The following RYR2 variants were observed in gnomAD, a reference collection of about 807,000 sequenced individuals.
The protein encoded by RYR2 is cardiac muscle ryanodine receptor-calcium release channel.
A neutral mutation model predicts 601.1 loss-of-function variants in RYR2; 227 were observed. The observed-to-expected ratio is 0.38, with a 90% confidence interval of 0.34 to 0.42. The LOEUF (loss-of-function observed/expected upper bound fraction) is 0.42. RYR2 is among the 10% of genes least tolerant of loss of function. The probability of loss-of-function intolerance (pLI) is 1.00; values close to 1 mark genes in which losing one functional copy is unlikely to be tolerated. For missense variants in RYR2, 4,646 were observed against 6,156.5 expected (o/e 0.75, Z 8.21); for synonymous variants, 2,223 against 2,175.1 (o/e 1.02, Z -0.61).
At chr1:237,403,950 C>T (rs1053865295) in intron 10 of RYR2, among the ~76,000 whole-genome samples, 1 of 152,126 alleles carries the variant, frequency 6.6e-6, no homozygotes, top group Non-Finnish European at 1.5e-5. Context: ...GCAAAAACAT[C>T]TTGGATTTTA....
At chr1:237,417,470 A>C (rs1705131178) in intron 11 of RYR2, among the ~76,000 whole-genome samples, 1 of 152,234 alleles carries the variant, frequency 6.6e-6, no homozygotes. Flanking sequence ...TGGAGACACG[A>C]CAAGTTCTTT....
At chr1:237,286,453 T>G (rs1026283275) in intron 2 of RYR2, among the ~76,000 whole-genome samples, 3 of 151,446 alleles carry the variant, frequency 2.0e-5, no homozygotes, top group African/African-American at 7.3e-5. Flanking sequence ...TGGTCTATCT[T>G]GGAGAAAGTT....
At chr1:237,327,353 A>G (rs574367223) in intron 2 of RYR2, among the ~76,000 whole-genome samples, 2 of 152,308 alleles carry the variant, frequency 1.3e-5, no homozygotes, top group South Asian at 4.1e-4. Flanking sequence ...TAGCAGGCTC[A>G]TTACTCTGTG....
chr1:237,670,309 T>TGGAGAGGGAGAG (rs961889025), intron 58 of RYR2, among the ~76,000 whole-genome samples: 1 of 84,394 alleles, frequency 1.2e-5, no homozygotes, highest in Non-Finnish European at 2.2e-5. Context: ...AGAGGGAGAC[T>TGGAGAGGGAGAG]GGAGAGGGAG....
At chr1:237,666,438 T>C in intron 56 of RYR2, 74 bp from the exon 57 acceptor site, 1 of 1,314,280 alleles carries the variant, frequency 7.6e-7, no homozygotes, top group South Asian at 1.4e-5. Context: ...TTGTGCCATA[T>C]TTTTAAAGTA....
chr1:237,492,763 G>T (rs984914059), intron 18 of RYR2, among the ~76,000 whole-genome samples, 191 bp from the exon 19 acceptor site: 1 of 151,618 alleles, frequency 6.6e-6, no homozygotes, highest in Admixed American at 6.6e-5. Context: ...GTTCAAGTCT[G>T]CAGTGAGCTA....
intron 1 of RYR2, among the ~76,000 whole-genome samples, chr1:237,077,878 A>G: frequency 7.6e-6 from 1 of 131,402 alleles, no homozygotes. Flanking sequence ...AGTTGGAAGT[A>G]AAGCTCTCCT....
intron 2 of RYR2, among the ~76,000 whole-genome samples, chr1:237,290,956 A>G (rs1440380561): frequency 6.6e-6 from 1 of 152,198 alleles, no homozygotes; most frequent in Non-Finnish European, 1.5e-5. Flanking sequence ...TGTGCATGAA[A>G]TTGGCAAAAG....
At position 237,783,862 on chromosome 1, in the gene RYR2, A is replaced by G. The variant is rs746745342; in HGVS notation, c.12150A>G (p.Lys4050=). The G allele has an allele frequency of 6.2e-7, 1 of 1,613,872 alleles. No homozygotes were observed. The highest frequency in any genetic ancestry group is 1.1e-5 in the South Asian group (1 of 91,036). ...TCATTTCCAAGAGGGACTTCCACAA[A>G]GCGATGGAGAGCCATAAGCACTACA... ...KGVISKRDFH[K]AMESHKHYTQ... The change falls in exon 90 of 105, where the codon AAA becomes AAG. Residue 4050 remains lysine, a synonymous_variant. Transcript: ENST00000366574.
intron 63 of RYR2, among the ~76,000 whole-genome samples, chr1:237,693,694 T>C (rs1687146787): frequency 6.6e-6 from 1 of 152,212 alleles, no homozygotes; most frequent in Non-Finnish European, 1.5e-5. Context: ...ATATTCAGTT[T>C]TTTTCTAGGT....
intron 1 of RYR2, among the ~76,000 whole-genome samples, chr1:237,053,840 G>C (rs1163822227): frequency 6.6e-6 from 1 of 152,178 alleles, no homozygotes; most frequent in Non-Finnish European, 1.5e-5. Context: ...CATTATCTAA[G>C]GCTTGGTGGA....
intron 1 of RYR2, among the ~76,000 whole-genome samples, chr1:237,055,763 A>G (rs965528322): frequency 1.9e-4 from 29 of 152,324 alleles, no homozygotes; most frequent in African/African-American, 7.0e-4. Context: ...TTAGAATGTG[A>G]CCTTAATGGG....
intron 60 of RYR2, among the ~76,000 whole-genome samples, chr1:237,675,135 T>C (rs1274555166): frequency 6.6e-6 from 1 of 152,156 alleles, no homozygotes; most frequent in East Asian, 1.9e-4. Flanking sequence ...CATCAGAATT[T>C]GAAGGTAGAG....
At chr1:237,430,953 A>G (rs1010351625) in intron 12 of RYR2, among the ~76,000 whole-genome samples, 18 of 152,184 alleles carry the variant, frequency 1.2e-4, no homozygotes, top group Admixed American at 1.0e-3. Flanking sequence ...GCAATTGTGT[A>G]ATGTCACAGG....
At chr1:237,158,333 TAAAGGG>T (rs1357683546) in intron 1 of RYR2, among the ~76,000 whole-genome samples, 1 of 152,066 alleles carries the variant, frequency 6.6e-6, no homozygotes, top group Non-Finnish European at 1.5e-5. Flanking sequence ...CTTACAGAAA[TAAAGGG>T]AAAGGACATT....
chr1:237,827,808 G>A (rs1272729509), intron 101 of RYR2, among the ~76,000 whole-genome samples: 1 of 151,480 alleles, frequency 6.6e-6, no homozygotes, highest in Admixed American at 6.6e-5. Context: ...GTGGCAGTGT[G>A]TGCCTGTAGT....
At position 237,423,119 on chromosome 1, in the gene RYR2, A is replaced by G. The variant is rs1306804742; in HGVS notation, c.876A>G (p.Gly292=). Residue 292 remains glycine, a synonymous_variant, in exon 12 of 105, where the codon GGA becomes GGG. Coordinates refer to ENST00000366574, the MANE Select transcript of RYR2 (RefSeq NM_001035.3). ...VAWSGSHIRW[G]QPFRLRHVTT... ...GGAGTGGAAGCCACATAAGATGGGG[A>G]CAGCCATTCCGACTACGCCATGTCA... 6.2e-7 allele frequency: 1 copy of G among 1,613,734 alleles called. No individual in the cohort carries two copies. Among genetic ancestry groups the G allele is most frequent in the South Asian group, 1.1e-5 (1 of 91,038 alleles).
chr1:237,688,524 G>T (rs1686646108), intron 63 of RYR2, among the ~76,000 whole-genome samples: 2 of 151,922 alleles, frequency 1.3e-5, no homozygotes, highest in Admixed American at 1.3e-4. Flanking sequence ...TTGGTTTCTA[G>T]TATTATATCC....
chr1:237,215,704 G>A (rs184595320), intron 1 of RYR2, among the ~76,000 whole-genome samples: 278 of 152,170 alleles, frequency 1.8e-3, no homozygotes, highest in African/African-American at 5.9e-3. Context: ...ATTTTGCTCC[G>A]TTTTTGGGAT....
Sources: allele counts gnomAD v4.1 joint callset (sites outside exome capture counted in the v4.1 genomes callset), GRCh38; gene constraint gnomAD v4.1.1; transcripts MANE v1.5; gene names NCBI Gene and HGNC (gene_info 2026-07-23, HGNC 2026-07-21).